Variants in DPP10 observed in about 807,000 individuals in gnomAD.
DPP10 encodes dipeptidyl peptidase like 10.
Under a neutral mutation model 120.9 loss-of-function variants are expected in DPP10, and 33 were observed. That is an observed-to-expected ratio of 0.27 (90% confidence interval 0.21 to 0.37). The LOEUF is 0.37. Among genes scored for constraint, DPP10 ranks in the 10% least tolerant of loss-of-function variants. The pLI is 1.00. For missense variants in DPP10, 816 were observed against 942.8 expected (o/e 0.87, Z 1.76); for synonymous variants, 337 against 326.1 (o/e 1.03, Z -0.36).
At position 114,497,122 on chromosome 2, in the gene DPP10, C is replaced by T. The variant is rs900101083; in HGVS notation, c.60+54284C>T. 1.3e-4 allele frequency among the ~76,000 whole-genome samples: 20 copies of T among 148,468 alleles called. 1 individual carries two copies. Among genetic ancestry groups the T allele is most frequent in the Admixed American group, 1.1e-3 (17 of 14,878 alleles). Reference sequence around the variant, plus strand: ...GTGTACATGTACGTATACATGCACACGTGTATACATGTAGGTATACACGTG... The same window carrying T: ...GTGTACATGTACGTATACATGCACATGTGTATACATGTAGGTATACACGTG... On this transcript the variant is annotated intron_variant, in intron 1 of 25. Transcript: ENST00000410059.
intron 7 of DPP10, among the ~76,000 whole-genome samples, chr2:115,704,282 TTCTC>T (rs1185972878): frequency 6.6e-6 from 1 of 151,896 alleles, no homozygotes; most frequent in Non-Finnish European, 1.5e-5. Flanking sequence ...GTTAAATACT[TTCTC>T]TCTTCTTCTC....
intron 5 of DPP10, among the ~76,000 whole-genome samples, chr2:115,627,590 C>CA (rs1289238612): frequency 1.3e-5 from 2 of 152,064 alleles, no homozygotes; most frequent in African/African-American, 4.8e-5. Context: ...CATAGGTAAA[C>CA]GTGTGCTATG....
At chr2:115,149,421 A>G (rs2051409773) in intron 1 of DPP10, among the ~76,000 whole-genome samples, 1 of 152,228 alleles carries the variant, frequency 6.6e-6, no homozygotes. Flanking sequence ...GTTTTGTGAT[A>G]ATAAATTGGT....
At chr2:115,754,921 T>C (rs557699068) in intron 11 of DPP10, among the ~76,000 whole-genome samples, 1 of 152,236 alleles carries the variant, frequency 6.6e-6, no homozygotes, top group African/African-American at 2.4e-5. Context: ...AAAATATGTA[T>C]GATTATTATG....
intron 1 of DPP10, among the ~76,000 whole-genome samples, chr2:115,127,342 A>G (rs1248347519): frequency 6.6e-6 from 1 of 152,188 alleles, no homozygotes; most frequent in African/African-American, 2.4e-5. Context: ...CTTGAAAATC[A>G]TGAAGTTCTG....
chr2:114,663,063 T>C (rs1356180844), intron 1 of DPP10, among the ~76,000 whole-genome samples: 1 of 152,042 alleles, frequency 6.6e-6, no homozygotes. Flanking sequence ...CATATATGTG[T>C]ATACATGTAC....
intron 1 of DPP10, among the ~76,000 whole-genome samples, chr2:115,143,218 C>T (rs188968263): frequency 2.0e-5 from 3 of 152,152 alleles, no homozygotes; most frequent in Non-Finnish European, 4.4e-5. Context: ...AAGTGGCCCT[C>T]GATAAAGGTC....
chr2:115,227,986 A>G (rs917818085), intron 1 of DPP10, among the ~76,000 whole-genome samples: 5 of 147,136 alleles, frequency 3.4e-5, no homozygotes, highest in Admixed American at 6.9e-5. Context: ...CAGTAGTGTG[A>G]TCGTGGCTCT....
In DPP10 at chr2:115,312,806, A is replaced by C. The variant is rs113670225; in HGVS notation, c.175+3453A>C. Reference sequence around the variant, plus strand: ...GCTTTCTAAGTAAAACCAGTCAAGCAGGTGGAAACTTTCAACCAAGTAGAG... The same window carrying C: ...GCTTTCTAAGTAAAACCAGTCAAGCCGGTGGAAACTTTCAACCAAGTAGAG... On this transcript the variant is annotated intron_variant, in intron 2 of 25. Transcript: ENST00000410059. 6.0e-3 allele frequency among the ~76,000 whole-genome samples: 909 copies of C among 152,314 alleles called. 7 individuals carry two copies. Among genetic ancestry groups the C allele is most frequent in the African/African-American group, 0.02 (838 of 41,580 alleles).
At chr2:115,342,850 T>C (rs542716398) in intron 2 of DPP10, among the ~76,000 whole-genome samples, 84 of 152,336 alleles carry the variant, frequency 5.5e-4, no homozygotes, top group South Asian at 2.1e-3. Flanking sequence ...GATTGATTTA[T>C]GTGAAAGGGA....
At chr2:114,650,952 A>G (rs756054182) in intron 1 of DPP10, among the ~76,000 whole-genome samples, 1 of 152,060 alleles carries the variant, frequency 6.6e-6, no homozygotes, top group Non-Finnish European at 1.5e-5. Context: ...TAACTCATAC[A>G]TTCAATATTT....
At chr2:115,775,821 A>G (rs1440158462) in intron 13 of DPP10, among the ~76,000 whole-genome samples, 1 of 152,120 alleles carries the variant, frequency 6.6e-6, no homozygotes, top group Non-Finnish European at 1.5e-5. Context: ...TTATTTTTTG[A>G]ACAGAAATGC....
At chr2:114,519,776 C>T (rs1352638226) in intron 1 of DPP10, among the ~76,000 whole-genome samples, 1 of 152,194 alleles carries the variant, frequency 6.6e-6, no homozygotes, top group Non-Finnish European at 1.5e-5. Flanking sequence ...TGCCCTGTTA[C>T]TTATTTACAA....
At chr2:114,954,125 G>C (rs542190255) in intron 1 of DPP10, among the ~76,000 whole-genome samples, 1 of 128,260 alleles carries the variant, frequency 7.8e-6, no homozygotes, top group African/African-American at 3.0e-5. Context: ...CTGTAGCCCA[G>C]GCTGGAGGGC....
Position 115,773,857 on chromosome 2 carries a change from G to A in DPP10, c.1222-3351G>A, listed in dbSNP as rs536258321. Among the ~76,000 whole-genome samples the A allele has an allele frequency of 1.8e-3, 280 of 152,120 alleles. 1 individual carries two copies. The highest frequency in any genetic ancestry group is 3.4e-3 in the Non-Finnish European group (230 of 67,966). On this transcript the variant is annotated intron_variant, in intron 13 of 25. Coordinates refer to ENST00000410059, the MANE Select transcript of DPP10 (RefSeq NM_020868.6). Reference sequence around the variant, plus strand: ...TTATTAGCCAGGTCAAAATTAATGTGCTCACTGCTGTGACAGTCTTATGTA... The same window carrying A: ...TTATTAGCCAGGTCAAAATTAATGTACTCACTGCTGTGACAGTCTTATGTA...
chr2:114,723,344 G>T (rs1701828235), intron 1 of DPP10, among the ~76,000 whole-genome samples: 1 of 152,176 alleles, frequency 6.6e-6, no homozygotes, highest in African/African-American at 2.4e-5. Context: ...GATGTCTAAA[G>T]GAAGGGAGTT....
chr2:114,465,420 G>A (rs1388945046), intron 1 of DPP10, among the ~76,000 whole-genome samples: 1 of 151,674 alleles, frequency 6.6e-6, no homozygotes, highest in East Asian at 1.9e-4. Flanking sequence ...ATGCCTTTTC[G>A]AGGAGCTTTT....
At chr2:115,414,110 C>T (rs1273267432) in intron 3 of DPP10, among the ~76,000 whole-genome samples, 4 of 152,158 alleles carry the variant, frequency 2.6e-5, no homozygotes, top group East Asian at 1.9e-4. Flanking sequence ...CTAGGGGCTA[C>T]GTGGATGGTT....
chr2:114,543,873 T>TTG (rs1553459514), intron 1 of DPP10, among the ~76,000 whole-genome samples: 1 of 116,760 alleles, frequency 8.6e-6, no homozygotes, highest in Non-Finnish European at 1.8e-5. Context: ...GCTTGTTTTT[T>TTG]TTGTTGTTGG....
Sources: gnomAD v4.1 joint callset for allele counts (sites outside exome capture counted in the v4.1 genomes callset) on GRCh38, gnomAD v4.1.1 for gene constraint, MANE v1.5 for transcripts, NCBI Gene and HGNC (gene_info 2026-07-23, HGNC 2026-07-21) for gene names.